The following DNMT1 variants were observed in gnomAD, a reference collection of about 807,000 sequenced individuals.
DNMT1 encodes the protein DNA (cytosine-5)-methyltransferase 1.
DNMT1 carries 24 observed loss-of-function variants against 205.3 expected under a neutral mutation model. The ratio of observed to expected loss-of-function variants is 0.12; its 90% CI spans 0.08 to 0.16. The LOEUF is 0.16. Ranked by LOEUF, DNMT1 falls within the 10% of genes least tolerant of loss-of-function variation. The pLI, the probability that DNMT1 is intolerant of heterozygous loss-of-function variation, is 1.00. For synonymous variants in DNMT1, 817 were observed against 839.8 expected, an observed-to-expected ratio of 0.97 and a Z score of 0.47; for missense variants, 1,293 against 2,177.7, an observed-to-expected ratio of 0.59 and a Z score of 8.09.
rs542026334 is a variant in DNMT1, at chr19:10,143,384, CT to C, written c.3116+381del. Among the ~76,000 whole-genome samples the C allele has an allele frequency of 3.1e-3, 371 of 119,494 alleles. 2 individuals carry two copies. Among genetic ancestry groups the C allele is most frequent in the Middle Eastern group, 4.4e-3 (1 of 226 alleles). The allele number at this position is 119,494 out of a possible 152,430, so 78.4% of individuals were successfully genotyped here. ...GCGTGTGCCACCACGCCCAGCTAGT[CT>C]TTTTTTTTTTTTTTTTTTGGTAGGG... On this transcript the variant is annotated intron_variant, in intron 29 of 40. Transcript: ENST00000359526.
At position 10,166,732 on chromosome 19, in the gene DNMT1, G is replaced by T. The variant is rs1396641732; in HGVS notation, c.804-47C>A. ...ACACAGGCTGGTCAGCTCGGGGGGGGCCCTGCACCGGGGCCAACAGCTCCT... is the reference window on the plus strand; with the variant it reads ...ACACAGGCTGGTCAGCTCGGGGGGGTCCCTGCACCGGGGCCAACAGCTCCT... On this transcript the variant is annotated intron_variant, in intron 10 of 40. Coordinates refer to ENST00000359526, the MANE Select transcript of DNMT1 (RefSeq NM_001130823.3). 4.4e-6 allele frequency: 7 copies of T among 1,605,736 alleles called. No homozygotes were observed. The East Asian group carries it at 8.9e-5, about 20-fold the overall frequency.
At position 10,194,890 on chromosome 19, in the gene DNMT1, G is replaced by C; in HGVS notation, c.10C>G (p.Arg4Gly). The part of the protein sequence containing the change: MPA[R>G]TAPARVPTLA... The stretch of plus-strand genomic sequence containing the variant: ...GTGGGCACCCGGGCTGGGGCGGTAC[G>C]CGCCGGCATCTCGGAGGCTTCAGCA... The change falls in exon 1 of 41, where the codon CGT becomes GGT. Residue 4 changes from arginine to glycine, a missense_variant. Arg to Gly is a moderately radical substitution (Grantham distance 125). Transcript: ENST00000359526. 6.2e-7 allele frequency: 1 copy of C among 1,609,200 alleles called. No homozygotes were observed. Among genetic ancestry groups the C allele is most frequent in the Non-Finnish European group, 8.5e-7 (1 of 1,178,186 alleles).
chr19:10,172,405 C>CAAA (rs34495234), intron 9 of DNMT1, among the ~76,000 whole-genome samples: 4 of 76,410 alleles, frequency 5.2e-5, no homozygotes, highest in Non-Finnish European at 5.6e-5. Context: ...GACTCCATCT[C>CAAA]AAAAAAAAAA....
At chr19:10,155,191 G>C in intron 19 of DNMT1, 135 bp from the exon 20 acceptor site, 2 of 1,210,954 alleles carry the variant, frequency 1.7e-6, no homozygotes, top group East Asian at 2.4e-5. Flanking sequence ...CAGAAACATA[G>C]GGCACAACAC....
rs141084565 is a variant in DNMT1 at position 10,140,012 on chromosome 19, G to A, written c.3806+34C>T. The A allele has an allele frequency of 1.0e-5, 16 of 1,603,454 alleles. No individual in the cohort carries two copies. The highest frequency in any genetic ancestry group is 6.7e-5 in the Admixed American group (4 of 60,024). On this transcript the variant is annotated intron_variant, in intron 33 of 40. Coordinates refer to ENST00000359526, the MANE Select transcript of DNMT1 (RefSeq NM_001130823.3). The surrounding 1 kb of genome is among the most constrained non-coding windows in gnomAD (Gnocchi z 8.4). ...CTGACATGCGGCACAGCCCCGGGCC[G>A]TCTGGCAACACTGGGGGGCTTCTAC... is the stretch of plus-strand genomic sequence containing the variant.
chr19:10,148,305 G>A (rs893365010), intron 27 of DNMT1, among the ~76,000 whole-genome samples: 37 of 150,768 alleles, frequency 2.5e-4, no homozygotes, highest in African/African-American at 8.7e-4. Context: ...GACCATCCTG[G>A]CTAACACAGT....
chr19:10,178,026 A>G (rs951713830), intron 5 of DNMT1, among the ~76,000 whole-genome samples: 3 of 151,894 alleles, frequency 2.0e-5, no homozygotes, highest in African/African-American at 7.3e-5. Flanking sequence ...TTGGGAGGCA[A>G]GACGGGCAGA....
intron 1 of DNMT1, among the ~76,000 whole-genome samples, chr19:10,185,424 C>CAAA (rs908115315): frequency 1.1e-5 from 1 of 95,218 alleles, no homozygotes; most frequent in African/African-American, 3.9e-5. Context: ...AACTCTGTCT[C>CAAA]AAAAAAAAAA....
chr19:10,169,823 A>C (rs2038775985), intron 9 of DNMT1, among the ~76,000 whole-genome samples: 1 of 152,194 alleles, frequency 6.6e-6, no homozygotes, highest in Non-Finnish European at 1.5e-5. Context: ...AAATCCTGAG[A>C]GTATGCTTAC....
At chr19:10,134,766 G>A (rs946182412) in intron 39 of DNMT1, among the ~76,000 whole-genome samples, 7 of 151,866 alleles carry the variant, frequency 4.6e-5, no homozygotes, top group African/African-American at 1.7e-4. Flanking sequence ...GCTGAGGCAG[G>A]AGAATCACTT....
chr19:10,148,762 A>G, intron 27 of DNMT1, 122 bp downstream of exon 27: 2 of 1,557,920 alleles, frequency 1.3e-6, no homozygotes, highest in Non-Finnish European at 8.8e-7. Flanking sequence ...CTGGCCTTTG[A>G]CGAGCAAGAG....
intron 1 of DNMT1, among the ~76,000 whole-genome samples, chr19:10,185,846 A>AG (rs1297012703): frequency 2.0e-5 from 3 of 150,044 alleles, no homozygotes; most frequent in Non-Finnish European, 4.4e-5. Context: ...CTCAAAAGAA[A>AG]AAAAAAAAAA....
At chr19:10,187,233 G>A (rs2039204196) in intron 1 of DNMT1, among the ~76,000 whole-genome samples, 1 of 151,772 alleles carries the variant, frequency 6.6e-6, no homozygotes, top group Non-Finnish European at 1.5e-5. Context: ...GAGGTATCTA[G>A]TATAGATTGG....
At chr19:10,162,621 A>G (rs62676164) in intron 13 of DNMT1, 46 bp downstream of exon 13, 339 of 87,072 alleles carry the variant, frequency 3.9e-3, no homozygotes, top group Middle Eastern at 0.012. Context: ...CGTCTTGGGG[A>G]AAAAAAAAAA....
rs2038207099 is a variant in DNMT1 at position 10,146,506 on chromosome 19, G to A, written c.2739C>T (p.Ala913=). The A allele has an allele frequency of 3.1e-6, 5 of 1,614,060 alleles. No homozygotes were observed. Among genetic ancestry groups the A allele is most frequent in the Non-Finnish European group, 4.2e-6 (5 of 1,180,036 alleles). ...DNKFKFCVSC[A]RLAEMRQKEI... ...CTTTTTGCCTCATCTCAGCCAGACG[G>A]GCACAGCTCACACAGAATCTGAAGG... Residue 913 remains alanine (A), a synonymous_variant, in exon 28 of 41, where the codon GCC becomes GCT. Coordinates refer to ENST00000359526, the MANE Select transcript of DNMT1 (RefSeq NM_001130823.3). This position sits in a 1 kb window ranked among gnomAD's most constrained non-coding sequence, Gnocchi z 4.4.
At chr19:10,191,462 C>T (rs2039303800) in intron 1 of DNMT1, among the ~76,000 whole-genome samples, 1 of 151,522 alleles carries the variant, frequency 6.6e-6, no homozygotes, top group African/African-American at 2.4e-5. Flanking sequence ...CCAATGCCTA[C>T]AGTGAAGCAA....
Position 10,147,000 on chromosome 19 carries a change from T to A in DNMT1, c.2721-476A>T, listed in dbSNP as rs1488110129. 1.3e-5 allele frequency among the ~76,000 whole-genome samples: 2 copies of A among 152,230 alleles called. No individual in the cohort carries two copies. The highest frequency in any genetic ancestry group is 1.3e-4 in the Admixed American group (2 of 15,280). On this transcript the variant is annotated intron_variant, in intron 27 of 40. Coordinates refer to ENST00000359526, the MANE Select transcript of DNMT1 (RefSeq NM_001130823.3). This position sits in a 1 kb window ranked among gnomAD's most constrained non-coding sequence, Gnocchi z 4.4. ...AAGGCCCAGCATGGTGGCTCATGTC[T>A]GTAATCCCAGCCCTTTGGGAGGCCA...
At chr19:10,149,090 G>A (rs1272816862) in intron 26 of DNMT1, 73 bp from the exon 27 acceptor site, 55 of 1,581,068 alleles carry the variant, frequency 3.5e-5, no homozygotes, top group South Asian at 6.7e-5. Context: ...ATGGGAGGCC[G>A]AGGCGGGTGG....
chr19:10,142,193 T>C lies in DNMT1; in HGVS notation c.3144A>G (p.Pro1048=). 1 of 1,614,024 alleles carries C rather than the reference T, an allele frequency of 6.2e-7. No individual in the cohort carries two copies. The highest frequency in any genetic ancestry group is 8.5e-7 in the Non-Finnish European group (1 of 1,180,040). The part of the protein sequence containing the change: ...YRPENTHKST[P]ASYHADINLL... ...GGTTGATGTCTGCGTGGTAGCTCGC[T>C]GGAGTGGACTTGTGGGTGTTCTCAG... The change falls in exon 30 of 41, where the codon CCA becomes CCG. Residue 1048 remains proline (P), a synonymous_variant. Transcript: ENST00000359526.
Sources: allele counts gnomAD v4.1 joint callset (sites outside exome capture counted in the v4.1 genomes callset), GRCh38; gene constraint gnomAD v4.1.1; non-coding constraint Gnocchi (gnomAD v3.1); transcripts MANE v1.5; gene names NCBI Gene and HGNC (gene_info 2026-07-23, HGNC 2026-07-21).